PTPRD: variants seen among roughly 807,000 people sequenced by gnomAD.
The protein encoded by PTPRD is protein tyrosine phosphatase receptor type D, also known as receptor-type tyrosine-protein phosphatase delta.
Under a neutral mutation model 214.5 loss-of-function variants are expected in PTPRD, and 34 were observed. The observed-to-expected ratio is 0.16, with a 90% CI of 0.12 to 0.21. The LOEUF (loss-of-function observed/expected upper bound fraction) is 0.21, where lower values mean the gene tolerates loss of function less well. Ranked by LOEUF, PTPRD falls within the 10% of genes least tolerant of loss-of-function variation. PTPRD has a pLI of 1.00. For synonymous variants in PTPRD, 1,128 were observed against 845.7 expected (o/e 1.33, Z -5.79); for missense variants, 2,545 against 2,398.7 (o/e 1.06, Z -1.27).
At chr9:9,584,292 T>C (rs1443227929) in intron 7 of PTPRD, among the ~76,000 whole-genome samples, 2 of 151,894 alleles carry the variant, frequency 1.3e-5, no homozygotes, top group Non-Finnish European at 2.9e-5. Flanking sequence ...TGATGCTTCA[T>C]AAACCCTACC....
chr9:10,386,091 C>A (rs1162251932), intron 2 of PTPRD, among the ~76,000 whole-genome samples: 1 of 151,728 alleles, frequency 6.6e-6, no homozygotes, highest in African/African-American at 2.4e-5. Flanking sequence ...GAAATTCAGT[C>A]TTTACTTAGC....
chr9:9,662,187 C>A (rs766498862), intron 7 of PTPRD, among the ~76,000 whole-genome samples: 17 of 151,766 alleles, frequency 1.1e-4, no homozygotes, highest in Non-Finnish European at 2.2e-4. Flanking sequence ...GGAAGGCAGT[C>A]TCAGTTCCAG....
At chr9:9,186,302 T>C (rs751036265) in intron 9 of PTPRD, among the ~76,000 whole-genome samples, 52 of 152,190 alleles carry the variant, frequency 3.4e-4, no homozygotes, top group Non-Finnish European at 1.6e-4. Context: ...GACTGGTTGT[T>C]ATGGCTGAGG....
intron 3 of PTPRD, among the ~76,000 whole-genome samples, chr9:10,131,700 C>T (rs76783394): frequency 0.012 from 1,780 of 152,078 alleles, 17 homozygotes; most frequent in Middle Eastern, 0.02. Flanking sequence ...ATATTTAACT[C>T]AGAAGTGTGT....
At chr9:9,454,753 C>T (rs1284409178) in intron 8 of PTPRD, among the ~76,000 whole-genome samples, 1 of 151,432 alleles carries the variant, frequency 6.6e-6, no homozygotes, top group East Asian at 1.9e-4. Flanking sequence ...ATTCTACAAA[C>T]ATTTAGCACC....
intron 33 of PTPRD, among the ~76,000 whole-genome samples, chr9:8,458,725 G>C (rs1014546220): frequency 1.3e-5 from 2 of 151,998 alleles, no homozygotes; most frequent in South Asian, 4.2e-4. Flanking sequence ...CTCTTACATG[G>C]AGAGAGGTAA....
At chr9:9,245,681 G>A (rs7470197) in intron 9 of PTPRD, among the ~76,000 whole-genome samples, 113,151 of 151,910 alleles carry the variant, frequency 0.74, 42,442 homozygotes, top group Non-Finnish European at 0.77. Flanking sequence ...ATGATGAGTT[G>A]ATGGGTGCAG....
At chr9:10,548,049 G>T (rs1590627809) in intron 2 of PTPRD, among the ~76,000 whole-genome samples, 1 of 152,068 alleles carries the variant, frequency 6.6e-6, no homozygotes, top group African/African-American at 2.4e-5. Context: ...GTTGCTGTGG[G>T]TGGAAAACAT....
At chr9:9,315,030 G>T (rs1001213529) in intron 9 of PTPRD, among the ~76,000 whole-genome samples, 1 of 151,824 alleles carries the variant, frequency 6.6e-6, no homozygotes, top group Admixed American at 6.6e-5. Context: ...AACTCACCTA[G>T]ATTTTATTTA....
intron 11 of PTPRD, among the ~76,000 whole-genome samples, chr9:8,813,253 T>C (rs1294239149): frequency 1.3e-5 from 2 of 151,620 alleles, no homozygotes; most frequent in Non-Finnish European, 2.9e-5. Context: ...GGAGGAAGCA[T>C]TGAGGAAGGG....
intron 7 of PTPRD, among the ~76,000 whole-genome samples, chr9:9,583,627 T>C (rs984394826): frequency 1.3e-5 from 2 of 152,116 alleles, no homozygotes; most frequent in African/African-American, 2.4e-5. Flanking sequence ...CAGCATAATA[T>C]ACTGATCCTT....
intron 10 of PTPRD, among the ~76,000 whole-genome samples, chr9:9,030,276 CTTTTTTTTTTTTTT>C (rs71317396): frequency 7.9e-4 from 30 of 37,920 alleles, no homozygotes; most frequent in Non-Finnish European, 1.2e-3. Flanking sequence ...CACACTTGGG[CTTTTTTTTTTTTTT>C]TTTTTTTTTT....
At chr9:9,270,847 G>A (rs911845845) in intron 9 of PTPRD, among the ~76,000 whole-genome samples, 1 of 151,304 alleles carries the variant, frequency 6.6e-6, no homozygotes, top group African/African-American at 2.4e-5. Flanking sequence ...TTTAAGGGTA[G>A]AACCAATAGA....
At chr9:8,840,294 G>T (rs1267098372) in intron 11 of PTPRD, among the ~76,000 whole-genome samples, 1 of 152,134 alleles carries the variant, frequency 6.6e-6, no homozygotes, top group Non-Finnish European at 1.5e-5. Context: ...TTCCCATGCT[G>T]TTCTCGTGAT....
intron 7 of PTPRD, among the ~76,000 whole-genome samples, chr9:9,693,502 T>C (rs1290784450): frequency 1.3e-5 from 2 of 152,166 alleles, no homozygotes; most frequent in East Asian, 3.9e-4. Flanking sequence ...TCTTTATGAC[T>C]TACTCAGTCA....
intron 11 of PTPRD, among the ~76,000 whole-genome samples, chr9:8,917,773 T>C (rs2098797213): frequency 6.6e-6 from 1 of 152,162 alleles, no homozygotes; most frequent in African/African-American, 2.4e-5. Context: ...TTCCAGAACA[T>C]AATTAAATGG....
intron 12 of PTPRD, among the ~76,000 whole-genome samples, chr9:8,667,110 G>A (rs1271400754): frequency 5.3e-5 from 8 of 152,232 alleles, no homozygotes; most frequent in Admixed American, 3.3e-4. Context: ...AGGCTGAGGC[G>A]GGCAGATGAC....
intron 9 of PTPRD, among the ~76,000 whole-genome samples, chr9:9,337,181 G>A (rs1324532021): frequency 6.6e-6 from 1 of 151,992 alleles, no homozygotes; most frequent in Middle Eastern, 3.2e-3. Flanking sequence ...TCAGAGATTG[G>A]GACAGAAATA....
chr9:8,653,741 C>T (rs1385086964), intron 12 of PTPRD, among the ~76,000 whole-genome samples: 1 of 152,174 alleles, frequency 6.6e-6, no homozygotes, highest in Non-Finnish European at 1.5e-5. Flanking sequence ...CCTCCTACAT[C>T]AACAGATAAA....
Sources: allele counts gnomAD v4.1 joint callset (sites outside exome capture counted in the v4.1 genomes callset), GRCh38; gene constraint gnomAD v4.1.1; transcripts MANE v1.5; gene names NCBI Gene and HGNC (gene_info 2026-07-23, HGNC 2026-07-21).